ENTREP2: variants seen among roughly 807,000 people sequenced by gnomAD.
ENTREP2 encodes endosomal transmembrane epsin interactor 2, also known as protein ENTREP2.
chr15:29,504,168 G>C, the ENTREP2 span, among the ~76,000 whole-genome samples: 3 of 152,166 alleles, frequency 2.0e-5, no homozygotes, highest in Non-Finnish European at 2.9e-5. Flanking sequence ...TACTTCTAGA[G>C]ACAGGCTCTA....
At chr15:29,554,961 A>C in the ENTREP2 span, among the ~76,000 whole-genome samples, 1 of 152,194 alleles carries the variant, frequency 6.6e-6, no homozygotes. Context: ...GCTCAATGGG[A>C]GCTTATTAAA....
the ENTREP2 span, among the ~76,000 whole-genome samples, chr15:29,258,226 A>AG: frequency 0.32 from 42,525 of 133,180 alleles, 6,860 homozygotes; most frequent in Non-Finnish European, 0.41. Context: ...AAAAAAAAAA[A>AG]AAAAAAAGAA....
At chr15:29,459,040 C>G in the ENTREP2 span, among the ~76,000 whole-genome samples, 1 of 152,220 alleles carries the variant, frequency 6.6e-6, no homozygotes, top group Non-Finnish European at 1.5e-5. Context: ...CTTCACCAGG[C>G]CAGCTGCCAC....
the ENTREP2 span, among the ~76,000 whole-genome samples, chr15:29,253,451 TC>T: frequency 4.1e-5 from 3 of 73,904 alleles, no homozygotes; most frequent in African/African-American, 6.3e-5. Context: ...TGTCTCTCTC[TC>T]TTTTTTTTTT....
At chr15:29,630,729 C>T in the ENTREP2 span, among the ~76,000 whole-genome samples, 3 of 152,132 alleles carry the variant, frequency 2.0e-5, no homozygotes, top group Non-Finnish European at 2.9e-5. Flanking sequence ...GCTCTGTCAC[C>T]CAGGCTGGAG....
At chr15:29,317,747 G>C in the ENTREP2 span, among the ~76,000 whole-genome samples, 2 of 152,182 alleles carry the variant, frequency 1.3e-5, no homozygotes, top group South Asian at 4.1e-4. Context: ...ACTTATGGCT[G>C]TTGAGGCCAA....
At chr15:29,300,365 G>T in the ENTREP2 span, among the ~76,000 whole-genome samples, 1 of 140,000 alleles carries the variant, frequency 7.1e-6, no homozygotes, top group Non-Finnish European at 1.6e-5. Context: ...GTGGGTAAAT[G>T]CATGGATGGA....
At chr15:29,423,949 G>C in the ENTREP2 span, among the ~76,000 whole-genome samples, 5 of 152,262 alleles carry the variant, frequency 3.3e-5, no homozygotes, top group African/African-American at 1.2e-4. Context: ...CATTGTGTCC[G>C]CAATTTATTC....
At chr15:29,536,603 CAAAA>C in the ENTREP2 span, among the ~76,000 whole-genome samples, 22 of 74,180 alleles carry the variant, frequency 3.0e-4, no homozygotes, top group East Asian at 1.8e-3. Flanking sequence ...GACTCTGTCT[CAAAA>C]AAAAAAAAAA....
the ENTREP2 span, among the ~76,000 whole-genome samples, chr15:29,361,018 G>A: frequency 3.3e-5 from 5 of 152,134 alleles, no homozygotes; most frequent in South Asian, 2.1e-4. Flanking sequence ...TCTACAGCTC[G>A]ATTTACTCCT....
At chr15:29,406,047 G>A in the ENTREP2 span, among the ~76,000 whole-genome samples, 2 of 151,986 alleles carry the variant, frequency 1.3e-5, no homozygotes, top group Non-Finnish European at 2.9e-5. Flanking sequence ...TATTTAAATC[G>A]GTTTTTATAA....
the ENTREP2 span, among the ~76,000 whole-genome samples, chr15:29,655,832 C>T: frequency 6.6e-6 from 1 of 152,058 alleles, no homozygotes; most frequent in Non-Finnish European, 1.5e-5. Flanking sequence ...TTGACACCAC[C>T]TGGCCAACAT....
the ENTREP2 span, among the ~76,000 whole-genome samples, chr15:29,420,688 G>A: frequency 6.6e-6 from 1 of 152,268 alleles, no homozygotes; most frequent in South Asian, 2.1e-4. Context: ...GCCACCTTTG[G>A]CCTCTATATG....
chr15:29,165,110 A>G, the ENTREP2 span, among the ~76,000 whole-genome samples: 13 of 152,190 alleles, frequency 8.5e-5, no homozygotes, highest in African/African-American at 2.9e-4. Flanking sequence ...AAATTAAAAA[A>G]TTCTTCGAAC....
chr15:29,653,976 T>C, the ENTREP2 span, among the ~76,000 whole-genome samples: 2 of 152,312 alleles, frequency 1.3e-5, no homozygotes, highest in South Asian at 2.1e-4. Flanking sequence ...CTGCTCAAGA[T>C]TTCCAAGCTT....
the ENTREP2 span, among the ~76,000 whole-genome samples, chr15:29,231,894 C>CTT: frequency 3.7e-5 from 5 of 134,694 alleles, no homozygotes; most frequent in South Asian, 2.4e-4. Flanking sequence ...TCTTTTCTTT[C>CTT]TTTTTTTTTT....
chr15:29,453,159 C>T, the ENTREP2 span, among the ~76,000 whole-genome samples: 1 of 152,314 alleles, frequency 6.6e-6, no homozygotes, highest in Non-Finnish European at 1.5e-5. Flanking sequence ...CCACAGTCAC[C>T]GGCCTTCACT....
the ENTREP2 span, chr15:29,614,190 C>G: frequency 1.9e-5 from 3 of 155,142 alleles, no homozygotes; most frequent in Admixed American, 1.3e-4. Flanking sequence ...CTGTCCTCCA[C>G]TGGTATGCAG....
chr15:29,512,484 G>A, the ENTREP2 span, among the ~76,000 whole-genome samples: 177 of 152,234 alleles, frequency 1.2e-3, 1 homozygote, highest in East Asian at 3.7e-3. Context: ...CCCAAAATTC[G>A]TATGTTGAGG....
Sources: gnomAD v4.1 joint callset for allele counts (sites outside exome capture counted in the v4.1 genomes callset) on GRCh38, gnomAD v4.1.1 for gene constraint, MANE v1.5 for transcripts, NCBI Gene and HGNC (gene_info 2026-07-23, HGNC 2026-07-21) for gene names.